The following HMCN1 variants were observed in gnomAD, a reference collection of about 807,000 sequenced individuals.
HMCN1 encodes hemicentin-1.
A neutral mutation model predicts 625.9 loss-of-function variants in HMCN1; 321 were observed. The observed-to-expected ratio is 0.51, with a 90% CI of 0.47 to 0.56. HMCN1 has a LOEUF of 0.56. HMCN1 is among the 20% of genes least tolerant of loss of function. The pLI, the probability that HMCN1 is intolerant of heterozygous loss-of-function variation, is 0.00. For synonymous variants in HMCN1, 2,425 were observed against 2,417.6 expected, an observed-to-expected ratio of 1.00 and a Z score of -0.09; for missense variants, 6,588 against 6,887.3, an observed-to-expected ratio of 0.96 and a Z score of 1.54.
intron 4 of HMCN1, among the ~76,000 whole-genome samples, chr1:185,899,922 T>C (rs1665704938): frequency 6.6e-6 from 1 of 152,100 alleles, no homozygotes; most frequent in Non-Finnish European, 1.5e-5. Context: ...TGTCTCATTC[T>C]TGAGTTGTTA....
At chr1:186,081,148 A>T in intron 55 of HMCN1, 59 bp from the exon 56 acceptor site, 1 of 1,393,558 alleles carries the variant, frequency 7.2e-7, no homozygotes, top group Non-Finnish European at 1.0e-6. Context: ...TCAGAAAATT[A>T]GCATGATTTA....
rs115329219 is a variant in HMCN1 at position 186,176,485 on chromosome 1, C to T, written c.15943+1843C>T. On this transcript the variant is annotated intron_variant, in intron 103 of 106. Coordinates refer to ENST00000271588, the MANE Select transcript of HMCN1 (RefSeq NM_031935.3). ...TCTGGTTTTCGTGTATTTAAGACTA[C>T]GTATTCCCATATGATCTTTTTTGTT... Among the ~76,000 whole-genome samples, 1,118 of 152,270 alleles carry T rather than the reference C, an allele frequency of 7.3e-3. 18 individuals carry two copies. Among genetic ancestry groups the T allele is most frequent in the African/African-American group, 0.025 (1,056 of 41,558 alleles).
intron 4 of HMCN1, among the ~76,000 whole-genome samples, chr1:185,908,844 TTATAA>T (rs1292255400): frequency 1.3e-5 from 2 of 148,708 alleles, no homozygotes; most frequent in South Asian, 2.1e-4. Flanking sequence ...CTATATATAA[TTATAA>T]TATAGTATAA....
intron 1 of HMCN1, among the ~76,000 whole-genome samples, chr1:185,833,099 A>G (rs1660964641): frequency 6.6e-6 from 1 of 152,038 alleles, no homozygotes; most frequent in Non-Finnish European, 1.5e-5. Flanking sequence ...TACTTGTTTT[A>G]TTCTTCATTT....
chr1:185,823,128 A>T (rs1478226696), intron 1 of HMCN1, among the ~76,000 whole-genome samples: 1 of 152,154 alleles, frequency 6.6e-6, no homozygotes, highest in East Asian at 1.9e-4. Flanking sequence ...CAATAACATT[A>T]TTGGTAAAAT....
intron 4 of HMCN1, among the ~76,000 whole-genome samples, chr1:185,898,020 A>C (rs1490871330): frequency 6.6e-6 from 1 of 152,198 alleles, no homozygotes; most frequent in East Asian, 1.9e-4. Context: ...ATTAATAGCA[A>C]AACTGAATTT....
At chr1:185,857,115 T>G (rs1305766641) in intron 2 of HMCN1, among the ~76,000 whole-genome samples, 1 of 152,234 alleles carries the variant, frequency 6.6e-6, no homozygotes, top group African/African-American at 2.4e-5. Context: ...CAGGAATTCA[T>G]TTTGTAAACA....
intron 1 of HMCN1, among the ~76,000 whole-genome samples, chr1:185,757,040 T>C (rs1252905764): frequency 6.6e-6 from 1 of 152,204 alleles, no homozygotes; most frequent in African/African-American, 2.4e-5. Context: ...AATGGCGCAA[T>C]CTCGGCTCAC....
At chr1:185,748,317 A>G (rs1257754323) in intron 1 of HMCN1, among the ~76,000 whole-genome samples, 1 of 151,984 alleles carries the variant, frequency 6.6e-6, no homozygotes, top group African/African-American at 2.4e-5. Context: ...CCTTGATCAG[A>G]TCATTACACT....
rs771355620 is a variant in HMCN1, at chr1:186,045,824, A to G, written c.6441A>G (p.Lys2147=). The G allele has an allele frequency of 6.2e-7, 1 of 1,612,822 alleles. No homozygotes were observed. The highest frequency in any genetic ancestry group is 8.5e-7 in the Non-Finnish European group (1 of 1,179,042). The part of the protein sequence containing the change: ...WLKDGHPLLK[K]PGLSISENRS... ...AAGACGGCCACCCCTTGCTGAAGAA[A>G]CCAGGCCTCAGTATATCTGAAAATA... Residue 2147 remains lysine, a synonymous_variant, in exon 41 of 107, where the codon AAA becomes AAG. Coordinates refer to ENST00000271588, the MANE Select transcript of HMCN1 (RefSeq NM_031935.3).
At chr1:185,761,654 T>G (rs2102123664) in intron 1 of HMCN1, among the ~76,000 whole-genome samples, 1 of 152,204 alleles carries the variant, frequency 6.6e-6, no homozygotes, top group East Asian at 1.9e-4. Context: ...CATTTTGTGG[T>G]TTAGGAAGTA....
chr1:185,869,939 C>A (rs1663503989), intron 4 of HMCN1, among the ~76,000 whole-genome samples: 1 of 151,436 alleles, frequency 6.6e-6, no homozygotes, highest in African/African-American at 2.4e-5. Context: ...CTCTCTTAAC[C>A]TATTTAATCA....
At position 186,093,238 on chromosome 1, in the gene HMCN1, T is replaced by C; in HGVS notation, c.9992T>C (p.Ile3331Thr). 1 of 1,613,382 alleles carries C rather than the reference T, an allele frequency of 6.2e-7. No individual in the cohort carries two copies. The highest frequency in any genetic ancestry group is 1.3e-5 in the African/African-American group (1 of 74,984). ...AATCCCGCTGGAGAAGAAGACCGAA[T>C]TTTTAACTTGAATGTCTATGGTAAA... ...ATNPAGEEDRIFNLNVYVTPT... is the reference protein window; with the variant it reads ...ATNPAGEEDRTFNLNVYVTPT... The change falls in exon 65 of 107, where the codon ATT (isoleucine) becomes ACT (threonine). Residue 3331 changes from isoleucine (I) to threonine (T), a missense_variant. Coordinates refer to ENST00000271588, the MANE Select transcript of HMCN1 (RefSeq NM_031935.3).
Position 186,087,318 on chromosome 1 carries a change from C to T in HMCN1, c.9148C>T (p.Leu3050=). Residue 3050 remains leucine (L), a synonymous_variant, in exon 59 of 107, where the codon CTG becomes TTG. Transcript: ENST00000271588. ...TGGCGAAAGCAAGAAAAAGTTTTCC[C>T]TGACTGTTTATGGTTCGTTTTTACT... ...QAGESKKKFS[L]TVYVPPSIKD... 6.2e-7 allele frequency: 1 copy of T among 1,612,404 alleles called. No individual in the cohort carries two copies. Among genetic ancestry groups the T allele is most frequent in the Non-Finnish European group, 8.5e-7 (1 of 1,178,708 alleles).
chr1:185,874,924 G>A (rs1307240065), intron 4 of HMCN1, among the ~76,000 whole-genome samples: 5 of 151,672 alleles, frequency 3.3e-5, no homozygotes, highest in Non-Finnish European at 5.9e-5. Context: ...GAATGCATTT[G>A]TGAAAATTTG....
intron 36 of HMCN1, 136 bp downstream of exon 36, chr1:186,023,289 T>C (rs1309085113): frequency 1.2e-5 from 2 of 172,774 alleles, no homozygotes; most frequent in East Asian, 1.4e-4. Flanking sequence ...AAACCTAGGG[T>C]TTTTTTTTTT....
chr1:185,812,298 T>C (rs1039679147), intron 1 of HMCN1, among the ~76,000 whole-genome samples: 15 of 152,102 alleles, frequency 9.9e-5, no homozygotes, highest in African/African-American at 3.4e-4. Flanking sequence ...GATTGAGAAA[T>C]GTAACACATT....
At chr1:185,954,456 C>G (rs866418554) in intron 11 of HMCN1, among the ~76,000 whole-genome samples, 6 of 152,184 alleles carry the variant, frequency 3.9e-5, no homozygotes, top group Middle Eastern at 3.4e-3. Flanking sequence ...TCACTAGGAA[C>G]ACTGAGAGAA....
In HMCN1 at chr1:185,888,626, C is replaced by T. The variant is rs948852604; in HGVS notation, c.622-20711C>T. 6.6e-3 allele frequency among the ~76,000 whole-genome samples: 962 copies of T among 146,806 alleles called. 76 individuals are homozygous for T. The highest frequency in any genetic ancestry group is 0.023 in the African/African-American group (844 of 36,394). ...CAAAGATCAGATAGTTGTAGATATG[C>T]GGCGTTATTTCTGAGGGCTCTGTTG... On this transcript the variant is annotated intron_variant, in intron 4 of 106. Transcript: ENST00000271588.
Sources: gnomAD v4.1 joint callset for allele counts (sites outside exome capture counted in the v4.1 genomes callset) on GRCh38, gnomAD v4.1.1 for gene constraint, MANE v1.5 for transcripts, NCBI Gene and HGNC (gene_info 2026-07-23, HGNC 2026-07-21) for gene names.